TTN: variants seen among roughly 807,000 people sequenced by gnomAD.
TTN encodes connectin.
A neutral mutation model predicts 3,223.0 loss-of-function variants in TTN; 1,525 were observed. The observed-to-expected ratio is 0.47, with a 90% CI of 0.45 to 0.49. TTN has a LOEUF of 0.49. Ranked by LOEUF, TTN falls within the 20% of genes least tolerant of loss-of-function variation. TTN has a pLI of 0.00. For synonymous variants in TTN, 14,094 were observed against 15,161.0 expected (o/e 0.93, Z 5.17); for missense variants, 40,786 against 43,424.0 (o/e 0.94, Z 5.40).
chr2:178,625,840 A>G (rs1265053348), intron 240 of TTN, among the ~76,000 whole-genome samples: 4 of 152,024 alleles, frequency 2.6e-5, no homozygotes, highest in Non-Finnish European at 5.9e-5. Context: ...CATATACACC[A>G]TGGAATACTA....
At position 178,614,971 on chromosome 2, in the gene TTN, G is replaced by C. The variant is rs923663993; in HGVS notation, c.48639-3C>G. ...CCTCAAGACCTGTCACTTCCATTCT[G>C]TCAGAAAACAGAATAGGATGTTTTA... On this transcript the variant is annotated splice_polypyrimidine_tract_variant and splice_region_variant and intron_variant, in intron 259 of 362. Coordinates refer to ENST00000589042, the MANE Select transcript of TTN (RefSeq NM_001267550.2). The C allele has an allele frequency of 6.3e-7, 1 of 1,593,996 alleles. No homozygotes were observed. Among genetic ancestry groups the C allele is most frequent in the Non-Finnish European group, 8.6e-7 (1 of 1,168,402 alleles).
At position 178,759,177 on chromosome 2, in the gene TTN, GAC is replaced by G; in HGVS notation, c.10115-7_10115-6del. ...TGTACCACGACACTTTTAGATCTGC[GAC>G]ACAAAAGAAAAGAGATACTTCAACC... is the stretch of plus-strand genomic sequence containing the variant. On this transcript the variant is annotated splice_polypyrimidine_tract_variant and splice_region_variant and intron_variant, in intron 43 of 362. Coordinates refer to ENST00000589042, the MANE Select transcript of TTN (RefSeq NM_001267550.2). 1 of 1,613,670 alleles carries G rather than the reference GAC, an allele frequency of 6.2e-7. No homozygotes were observed. Among genetic ancestry groups the G allele is most frequent in the Non-Finnish European group, 8.5e-7 (1 of 1,179,858 alleles).
rs752670752 is a variant in TTN, at chr2:178,538,532, C to T, written c.99289+8G>A. On this transcript the variant is annotated splice_region_variant and intron_variant, in intron 354 of 362. Transcript: ENST00000589042. ...TAAATCATAAGTAGAGAACCAAAGG[C>T]TACTTACATGTGAGTTTAGTCTTTA... 1 of 1,600,270 alleles carries T rather than the reference C, an allele frequency of 6.2e-7. No individual in the cohort carries two copies. Among genetic ancestry groups the T allele is most frequent in the Admixed American group, 1.7e-5 (1 of 59,164 alleles).
chr2:178,638,781 A>G lies in TTN; in HGVS notation c.40876+918T>C, dbSNP rs143241121. Reference sequence around the variant, plus strand: ...GGTTTTGTTGTTTCTTTTTTAAAAAAATAATTTCAACTTTTATTTTAAACT... The same window carrying G: ...GGTTTTGTTGTTTCTTTTTTAAAAAGATAATTTCAACTTTTATTTTAAACT... On this transcript the variant is annotated intron_variant, in intron 223 of 362. Coordinates refer to ENST00000589042, the MANE Select transcript of TTN (RefSeq NM_001267550.2). Among the ~76,000 whole-genome samples, 28 of 152,116 alleles carry G rather than the reference A, an allele frequency of 1.8e-4. 2 individuals are homozygous for G. In the East Asian group the frequency reaches 5.4e-3, roughly 30 times the overall value.
chr2:178,608,102 C>G (rs2055356566), intron 275 of TTN, 21 bp from the exon 276 acceptor site: 2 of 1,609,014 alleles, frequency 1.2e-6, no homozygotes, highest in African/African-American at 2.7e-5. Context: ...TGAAGATAGA[C>G]AAATCAAACT....
intron 127 of TTN, among the ~76,000 whole-genome samples, chr2:178,685,930 T>C (rs1326516267): frequency 2.0e-5 from 3 of 152,048 alleles, no homozygotes; most frequent in Non-Finnish European, 2.9e-5. Context: ...AATTTGAAGA[T>C]GAGTTTCACA....
rs770223266 is a variant in TTN, at chr2:178,684,864, T to TA, written c.32554+41dup. 6 of 1,555,440 alleles carry TA rather than the reference T, an allele frequency of 3.9e-6. No homozygotes were observed. In the East Asian group the frequency reaches 6.8e-5, roughly 18 times the overall value. Reference sequence around the variant, plus strand: ...TCTGAAGAATGTATCAATTTAAGATTAAAAAAAGACAGTCTTGAGAATAAA... The same window carrying TA: ...TCTGAAGAATGTATCAATTTAAGATTAAAAAAAAGACAGTCTTGAGAATAAA... On this transcript the variant is annotated intron_variant, in intron 130 of 362. Transcript: ENST00000589042.
At position 178,562,628 on chromosome 2, in the gene TTN, GA is replaced by G; in HGVS notation, c.83503del (p.Ser27835LeufsTer36). 6.2e-7 allele frequency: 1 copy of G among 1,607,836 alleles called. No individual in the cohort carries two copies. Among genetic ancestry groups the G allele is most frequent in the Non-Finnish European group, 8.5e-7 (1 of 1,177,888 alleles). Reference sequence around the variant, plus strand: ...GGAAGCCAAGACTCGGAAGTAGTAAGAACATCCTTCTTGTAGATTTTCAATT... The same window carrying G: ...GGAAGCCAAGACTCGGAAGTAGTAAGACATCCTTCTTGTAGATTTTCAATT... The part of the protein sequence containing the change: ...FRIENLQEGC[S>X]YYFRVLASNE... On this transcript the variant is annotated frameshift_variant, in exon 326 of 363. Coordinates refer to ENST00000589042, the MANE Select transcript of TTN (RefSeq NM_001267550.2). LOFTEE classifies it high-confidence loss of function.
rs1347273297 is a variant in TTN at position 178,735,663 on chromosome 2, A to C, written c.14783T>G (p.Leu4928Arg). 2 of 1,613,402 alleles carry C rather than the reference A, an allele frequency of 1.2e-6. No individual in the cohort carries two copies. Among genetic ancestry groups the C allele is most frequent in the Admixed American group, 1.7e-5 (1 of 59,958 alleles). The part of the protein sequence containing the change: ...TVTWSKDGQK[L>R]PPGKDYKICF... Reference sequence around the variant, plus strand: ...GATCTTATAATCTTTCCCTGGGGGGAGTTTTTGCCCATCTTTGCTCCACGT... The same window carrying C: ...GATCTTATAATCTTTCCCTGGGGGGCGTTTTTGCCCATCTTTGCTCCACGT... Residue 4928 changes from leucine (L) to arginine (R), a missense_variant, in exon 50 of 363, where the codon CTC (leucine) becomes CGC (arginine). By Grantham distance (102) the Leu-to-Arg change is moderately radical. Coordinates refer to ENST00000589042, the MANE Select transcript of TTN (RefSeq NM_001267550.2).
chr2:178,764,423 T>A (rs547748715), intron 42 of TTN, 104 bp downstream of exon 42: 1 of 1,610,100 alleles, frequency 6.2e-7, no homozygotes, highest in African/African-American at 1.3e-5. Context: ...TGGGTAGCAA[T>A]CTACTTTTAT....
Position 178,540,163 on chromosome 2 carries a change from C to A in TTN, c.98003G>T (p.Gly32668Val), listed in dbSNP as rs1185928509. ...TAGGACGCGGAACCTGTATTCTGCA[C>A]CCTGAGGTAGGTGTGTTAGAGTATA... ...REYTLTHLPQGAEYRFRVLAC... is the reference protein window; with the variant it reads ...REYTLTHLPQVAEYRFRVLAC... The change falls in exon 351 of 363, where the codon GGT becomes GTT. Residue 32668 changes from glycine to valine, a missense_variant. Gly to Val is a moderately radical substitution (Grantham distance 109). Coordinates refer to ENST00000589042, the MANE Select transcript of TTN (RefSeq NM_001267550.2). The A allele has an allele frequency of 6.2e-7, 1 of 1,613,700 alleles. No individual in the cohort carries two copies. Among genetic ancestry groups the A allele is most frequent in the African/African-American group, 1.3e-5 (1 of 74,918 alleles).
At position 178,689,063 on chromosome 2, in the gene TTN, A is replaced by T; in HGVS notation, c.32085T>A (p.Pro10695=). 6.7e-7 allele frequency: 1 copy of T among 1,498,472 alleles called. No homozygotes were observed. Among genetic ancestry groups the T allele is most frequent in the East Asian group, 2.5e-5 (1 of 40,786 alleles). The allele number at this position is 1,498,472 out of a possible 1,614,324, so 92.8% of individuals were successfully genotyped here. Reference sequence around the variant, plus strand: ...TGAGGCAAATCCTACCTCGGGGAGGAGGAGCTTTCTTAGCGACAGGAACTG... The same window carrying T: ...TGAGGCAAATCCTACCTCGGGGAGGTGGAGCTTTCTTAGCGACAGGAACTG... ...AVPVPVAKKA[P]PPRAEVSKKT... The change falls in exon 125 of 363, where the codon CCT becomes CCA. Residue 10695 remains proline, a synonymous_variant. Transcript: ENST00000589042.
In TTN at chr2:178,782,369, C is replaced by G; in HGVS notation, c.3223G>C (p.Gly1075Arg). ...TAAGGCGCGGCAGGTTCTCCAGGCC[C>G]TGCTTGTTCCTCTGTGAGGCTAGTA... Reference protein sequence around the residue: ...TDTSLTEEQAGPGEPAAPYFI... With the variant: ...TDTSLTEEQARPGEPAAPYFI... The change falls in exon 20 of 363, where the codon GGG (glycine) becomes CGG (arginine). Residue 1075 changes from glycine to arginine, a missense_variant. Transcript: ENST00000589042. The G allele has an allele frequency of 6.2e-7, 1 of 1,614,092 alleles. No individual in the cohort carries two copies. The highest frequency in any genetic ancestry group is 8.5e-7 in the Non-Finnish European group (1 of 1,180,004).
chr2:178,709,568 T>A lies in TTN; in HGVS notation c.28751A>T (p.Lys9584Ile), dbSNP rs1560551683. Residue 9584 changes from lysine (K) to isoleucine (I), a missense_variant and splice_region_variant, in exon 99 of 363, where the codon AAA becomes ATA. By Grantham distance (102) the Lys-to-Ile change is moderately radical. Transcript: ENST00000589042. The part of the protein sequence containing the change: ...SALCTSSIVI[K>I]EPKKPPVFDQ... ...TTGGGGCTGTGAGGATAACTCACCT[T>A]TGATGACGATTGAAGACGTGCACAG... The A allele has an allele frequency of 6.2e-7, 1 of 1,602,736 alleles. No individual in the cohort carries two copies. Among genetic ancestry groups the A allele is most frequent in the Non-Finnish European group, 8.5e-7 (1 of 1,170,636 alleles).
At chr2:178,709,129 C>T (rs1020995616) in intron 99 of TTN, among the ~76,000 whole-genome samples, 3 of 151,910 alleles carry the variant, frequency 2.0e-5, no homozygotes, top group Admixed American at 1.3e-4. Context: ...AACAATAATC[C>T]TTTAGAAATA....
chr2:178,582,338 C>A lies in TTN; in HGVS notation c.66118G>T (p.Asp22040Tyr). ...ATTGCTGGTTCAGTGAAGACTGGATCGCCTACTCCATATTTATTTTCAGCA... is the reference window on the plus strand; with the variant it reads ...ATTGCTGGTTCAGTGAAGACTGGATAGCCTACTCCATATTTATTTTCAGCA... ...ICAENKYGVG[D>Y]PVFTEPAIAK... Residue 22040 changes from aspartate to tyrosine, a missense_variant, in exon 314 of 363, where the codon GAT becomes TAT. Coordinates refer to ENST00000589042, the MANE Select transcript of TTN (RefSeq NM_001267550.2). 1.9e-6 allele frequency: 3 copies of A among 1,604,860 alleles called. No individual in the cohort carries two copies. Among genetic ancestry groups the A allele is most frequent in the Non-Finnish European group, 1.7e-6 (2 of 1,175,124 alleles).
chr2:178,556,909 A>T lies in TTN; in HGVS notation c.88245T>A (p.Ala29415=). 1.2e-6 allele frequency: 2 copies of T among 1,613,852 alleles called. No individual in the cohort carries two copies. Among genetic ancestry groups the T allele is most frequent in the African/African-American group, 2.7e-5 (2 of 75,070 alleles). The change falls in exon 330 of 363, where the codon GCT becomes GCA. Residue 29415 remains alanine, a synonymous_variant. Coordinates refer to ENST00000589042, the MANE Select transcript of TTN (RefSeq NM_001267550.2). ...QYEFRVFARN[A]VGSISNPSEV... ...CAGATGGATTGCTAATGGAACCAACAGCATTCCTAGCAAAGACACGGAATT... is the reference window on the plus strand; with the variant it reads ...CAGATGGATTGCTAATGGAACCAACTGCATTCCTAGCAAAGACACGGAATT...
chr2:178,529,521 T>C (rs984366557), intron 359 of TTN, among the ~76,000 whole-genome samples: 2 of 152,216 alleles, frequency 1.3e-5, no homozygotes, highest in African/African-American at 2.4e-5. Flanking sequence ...AGATTTTGAG[T>C]AACCAAAACA....
intron 282 of TTN, 71 bp from the exon 283 acceptor site, chr2:178,602,661 A>C: frequency 1.7e-6 from 2 of 1,151,260 alleles, no homozygotes; most frequent in Non-Finnish European, 2.3e-6. Flanking sequence ...CTTTTACTAC[A>C]CATGATCATA....
Sources: allele counts gnomAD v4.1 joint callset (sites outside exome capture counted in the v4.1 genomes callset), GRCh38; gene constraint gnomAD v4.1.1; transcripts MANE v1.5; gene names NCBI Gene and HGNC (gene_info 2026-07-23, HGNC 2026-07-21).